LDLRAD4: variants seen among roughly 807,000 people sequenced by gnomAD.
LDLRAD4 encodes the protein low density lipoprotein receptor class A domain containing 4.
Under a neutral mutation model 17.0 loss-of-function variants are expected in LDLRAD4, and 5 were observed. The ratio of observed to expected loss-of-function variants is 0.29; its 90% CI spans 0.15 to 0.62. LDLRAD4 has a LOEUF of 0.62. Ranked by LOEUF, LDLRAD4 falls within the 20% of genes least tolerant of loss-of-function variation. LDLRAD4 has a pLI of 0.84. For synonymous variants in LDLRAD4, 168 were observed against 171.8 expected (o/e 0.98, Z 0.17); for missense variants, 340 against 424.7 (o/e 0.80, Z 1.75).
At chr18:13,511,789 T>C (rs1275322432) in intron 3 of LDLRAD4, among the ~76,000 whole-genome samples, 1 of 152,190 alleles carries the variant, frequency 6.6e-6, no homozygotes, top group Non-Finnish European at 1.5e-5. Context: ...CCAAGAAACG[T>C]TGGCTCTCAG....
intron 1 of LDLRAD4, among the ~76,000 whole-genome samples, chr18:13,225,278 A>AT (rs1265068521): frequency 6.6e-5 from 10 of 152,242 alleles, no homozygotes; most frequent in African/African-American, 2.4e-4. Flanking sequence ...AGATGCACAT[A>AT]TCATGGGCCT....
chr18:13,633,906 G>A (rs1414554973), intron 4 of LDLRAD4, among the ~76,000 whole-genome samples: 1 of 152,196 alleles, frequency 6.6e-6, no homozygotes, highest in African/African-American at 2.4e-5. Context: ...CCGGCTCCGT[G>A]GAGCACACAG....
chr18:13,578,993 A>G (rs1446983358), intron 3 of LDLRAD4, among the ~76,000 whole-genome samples: 2 of 151,840 alleles, frequency 1.3e-5, no homozygotes, highest in Non-Finnish European at 2.9e-5. Flanking sequence ...GATCGAGACC[A>G]TCCTGACTAA....
chr18:13,371,540 G>A (rs188466862), intron 1 of LDLRAD4, among the ~76,000 whole-genome samples: 3 of 152,096 alleles, frequency 2.0e-5, no homozygotes, highest in Non-Finnish European at 2.9e-5. Flanking sequence ...AGGCCGAAGC[G>A]GGTGGATCAC....
At chr18:13,370,713 G>GTTTTTTTTTTTTTTGT (rs2084407788) in intron 1 of LDLRAD4, among the ~76,000 whole-genome samples, 1 of 17,202 alleles carries the variant, frequency 5.8e-5, no homozygotes, top group Non-Finnish European at 1.6e-4. Flanking sequence ...TTTTTGTTTT[G>GTTTTTTTTTTTTTTGT]TTTTTTTTTT....
chr18:13,350,381 G>T (rs138330673), intron 1 of LDLRAD4, among the ~76,000 whole-genome samples: 165 of 152,320 alleles, frequency 1.1e-3, no homozygotes, highest in African/African-American at 4.0e-3. Context: ...CTAATGACCA[G>T]TGATGATGAG....
At chr18:13,612,783 C>T (rs772352393) in intron 3 of LDLRAD4, 4 of 1,614,002 alleles carry the variant, frequency 2.5e-6, no homozygotes, top group Non-Finnish European at 3.4e-6. Flanking sequence ...AGGTACATTT[C>T]CCAAGAACTG....
intron 1 of LDLRAD4, among the ~76,000 whole-genome samples, chr18:13,271,597 CTGA>C (rs1465217034): frequency 6.6e-6 from 1 of 152,222 alleles, no homozygotes; most frequent in Non-Finnish European, 1.5e-5. Context: ...TGTTCACTAT[CTGA>C]TAAGCCCCTG....
At chr18:13,517,345 C>T (rs943883932) in intron 3 of LDLRAD4, among the ~76,000 whole-genome samples, 1 of 152,234 alleles carries the variant, frequency 6.6e-6, no homozygotes, top group Non-Finnish European at 1.5e-5. Flanking sequence ...AACTGGATGA[C>T]TCCCCATGTG....
intron 1 of LDLRAD4, among the ~76,000 whole-genome samples, chr18:13,339,768 C>T (rs1021975220): frequency 5.9e-5 from 9 of 152,034 alleles, no homozygotes; most frequent in Non-Finnish European, 1.0e-4. Flanking sequence ...ATGTTTTCTT[C>T]TTATTGTAGT....
At chr18:13,220,992 G>A (rs936999400) in intron 1 of LDLRAD4, among the ~76,000 whole-genome samples, 4 of 152,196 alleles carry the variant, frequency 2.6e-5, no homozygotes, top group African/African-American at 9.7e-5. Flanking sequence ...CCCTGGGCAG[G>A]AATTCTTGAA....
intron 1 of LDLRAD4, among the ~76,000 whole-genome samples, chr18:13,302,098 TAAC>T (rs916279925): frequency 7.2e-5 from 11 of 152,378 alleles, no homozygotes; most frequent in East Asian, 1.9e-4. Context: ...GTAGTTATTT[TAAC>T]AACAACAACA....
chr18:13,575,145 G>A (rs2148384886), intron 3 of LDLRAD4, among the ~76,000 whole-genome samples: 1 of 152,300 alleles, frequency 6.6e-6, no homozygotes, highest in South Asian at 2.1e-4. Flanking sequence ...TTATTTAGTG[G>A]TGATTTGTGA....
chr18:13,504,165 C>G (rs1380812474), intron 3 of LDLRAD4, among the ~76,000 whole-genome samples: 1 of 152,210 alleles, frequency 6.6e-6, no homozygotes. Context: ...AGTCCGTTCG[C>G]TGACCCCCAT....
Position 13,445,518 on chromosome 18 carries a change from G to A in LDLRAD4, c.181+7134G>A, listed in dbSNP as rs567659303. 9.2e-5 allele frequency among the ~76,000 whole-genome samples: 14 copies of A among 151,726 alleles called. No individual in the cohort carries two copies. The South Asian group carries it at 1.7e-3, about 18-fold the overall frequency. The stretch of plus-strand genomic sequence containing the variant: ...GGTGCGTTTGTGCATGAATGTGCAC[G>A]TGTGTGTATAAGAGTGCATCTGTGT... On this transcript the variant is annotated intron_variant, in intron 3 of 5. Coordinates refer to ENST00000359446, the Ensembl canonical transcript of LDLRAD4.
At chr18:13,584,581 A>T (rs2094909854) in intron 3 of LDLRAD4, among the ~76,000 whole-genome samples, 1 of 152,144 alleles carries the variant, frequency 6.6e-6, no homozygotes, top group Non-Finnish European at 1.5e-5. Context: ...GAATCATAGG[A>T]TGGCTCGGTG....
rs1022664388 is a variant in LDLRAD4 at position 13,352,950 on chromosome 18, A to C, written c.-382-34391A>C. 3.9e-5 allele frequency among the ~76,000 whole-genome samples: 6 copies of C among 152,176 alleles called. No individual in the cohort carries two copies. In the East Asian group the frequency reaches 1.2e-3, roughly 29 times the overall value. ...AGCTCTAGAATTTCTGTTTGGTTCC[A>C]TTTTATAATTTCTGTCTCTTTGCTA... On this transcript the variant is annotated intron_variant, in intron 1 of 5. Coordinates refer to ENST00000359446, the Ensembl canonical transcript of LDLRAD4.
intron 1 of LDLRAD4, among the ~76,000 whole-genome samples, chr18:13,267,200 T>C (rs1223112042): frequency 6.6e-6 from 1 of 152,248 alleles, no homozygotes; most frequent in African/African-American, 2.4e-5. Flanking sequence ...TATGTAATTA[T>C]GTAGATGTAG....
At chr18:13,390,450 T>TG (rs2086183083) in intron 2 of LDLRAD4, among the ~76,000 whole-genome samples, 1 of 152,118 alleles carries the variant, frequency 6.6e-6, no homozygotes, top group South Asian at 2.1e-4. Flanking sequence ...ACGGGTTCCC[T>TG]GGGGAGCTTC....
Sources: gnomAD v4.1 joint callset for allele counts (sites outside exome capture counted in the v4.1 genomes callset) on GRCh38, gnomAD v4.1.1 for gene constraint, MANE v1.5 for transcripts, NCBI Gene and HGNC (gene_info 2026-07-23, HGNC 2026-07-21) for gene names.